The following VAMP7 variants were observed in gnomAD, a reference collection of about 807,000 sequenced individuals.
VAMP7 encodes vesicle associated membrane protein 7, also known as vesicle-associated membrane protein 7.
Under a neutral mutation model 29.6 loss-of-function variants are expected in VAMP7, and 14 were observed. The observed-to-expected ratio is 0.47, with a 90% CI of 0.31 to 0.74. The LOEUF (loss-of-function observed/expected upper bound fraction) is 0.74, where lower values mean the gene tolerates loss of function less well. Among genes scored for constraint, VAMP7 ranks in the 30% least tolerant of loss-of-function variants. The probability of loss-of-function intolerance (pLI) is 0.05; values close to 1 mark genes in which losing one functional copy is unlikely to be tolerated. For synonymous variants in VAMP7, 95 were observed against 88.1 expected (o/e 1.08, Z -0.44); for missense variants, 223 against 262.4 (o/e 0.85, Z 1.04).
intron 5 of VAMP7, among the ~76,000 whole-genome samples, chrX:155,908,729 T>G (rs2066189603): frequency 6.6e-6 from 1 of 152,192 alleles, no homozygotes; most frequent in Non-Finnish European, 1.5e-5. Context: ...TTGAAATGTT[T>G]GGTAGAATTC....
In VAMP7 at chrX:155,915,632, A is replaced by C. The variant is rs752102080; in HGVS notation, c.434-4181A>C. ...TAATTTTGTTATTTACCCAGTAGTC[A>C]TTCAGGAACAGGTTGTTCATTTTCC... On this transcript the variant is annotated intron_variant, in intron 5 of 7. Coordinates refer to ENST00000286448, the MANE Select transcript of VAMP7 (RefSeq NM_005638.6). Among the ~76,000 whole-genome samples, 11 of 152,282 alleles carry C rather than the reference A, an allele frequency of 7.2e-5. No homozygotes were observed. In the South Asian group the frequency reaches 2.1e-3, roughly 29 times the overall value.
intron 5 of VAMP7, among the ~76,000 whole-genome samples, chrX:155,911,673 G>A (rs1013237926): frequency 2.0e-5 from 3 of 151,770 alleles, no homozygotes; most frequent in Non-Finnish European, 2.9e-5. Flanking sequence ...TCACCTACTC[G>A]TTAAATTTAT....
chrX:155,891,726 G>A lies in VAMP7; in HGVS notation c.146+2114G>A, dbSNP rs5940622. On this transcript the variant is annotated intron_variant, in intron 2 of 7. Coordinates refer to ENST00000286448, the MANE Select transcript of VAMP7 (RefSeq NM_005638.6). ...AGGAACTCCCTCACCCTTTTTCCCT[G>A]ACTCCTGGCTTTGTTCTCCAGGAAG... Among the ~76,000 whole-genome samples the A allele has an allele frequency of 2.0e-3, 298 of 152,256 alleles. 2 individuals carry two copies. The highest frequency in any genetic ancestry group is 0.013 in the South Asian group (64 of 4,818).
At chrX:155,884,242 C>T (rs1602893424) in intron 1 of VAMP7, among the ~76,000 whole-genome samples, 1 of 152,234 alleles carries the variant, frequency 6.6e-6, no homozygotes, top group Non-Finnish European at 1.5e-5. Context: ...ATTCTCCTGC[C>T]TCAGCCTCCC....
chrX:155,939,668 C>T (rs747412039), intron 6 of VAMP7, 33 bp from the exon 7 acceptor site: 4 of 1,491,364 alleles, frequency 2.7e-6, no homozygotes, highest in African/African-American at 1.4e-5. Context: ...GTAGTCAGTG[C>T]CAGGGGTTAA....
At chrX:155,894,126 G>T (rs997765466) in intron 2 of VAMP7, among the ~76,000 whole-genome samples, 1 of 151,996 alleles carries the variant, frequency 6.6e-6, no homozygotes, top group Non-Finnish European at 1.5e-5. Context: ...CCTGTCTCAC[G>T]CCAGTCACCA....
intron 5 of VAMP7, among the ~76,000 whole-genome samples, chrX:155,913,821 TG>T (rs1886151653): frequency 6.6e-6 from 1 of 152,194 alleles, no homozygotes; most frequent in Admixed American, 6.5e-5. Flanking sequence ...TCTCCAGCTT[TG>T]TTCTTCTTGC....
chrX:155,941,500 C>T (rs930657572), intron 7 of VAMP7, among the ~76,000 whole-genome samples: 2 of 151,882 alleles, frequency 1.3e-5, no homozygotes, highest in Non-Finnish European at 2.9e-5. Context: ...TGTGCAAAAC[C>T]TAAAAATATA....
At chrX:155,889,775 T>TA (rs1490572501) in intron 2 of VAMP7, 163 bp downstream of exon 2, 4 of 697,206 alleles carry the variant, frequency 5.7e-6, no homozygotes, top group Admixed American at 3.6e-5. Context: ...TTTTGTTACT[T>TA]ATAAATTTAA....
At position 155,923,906 on chromosome X, in the gene VAMP7, T is replaced by A. The variant is rs760416524; in HGVS notation, c.501+4026T>A. Among the ~76,000 whole-genome samples the A allele has an allele frequency of 2.1e-3, 317 of 152,288 alleles. 2 individuals carry two copies. The highest frequency in any genetic ancestry group is 7.0e-3 in the African/African-American group (292 of 41,582). On this transcript the variant is annotated intron_variant, in intron 6 of 7. Transcript: ENST00000286448. ...TGCAGTTCGCAATCTGCTGTTTCTG[T>A]CCTGTGTATGTTTCATCTTTACAGG...
intron 3 of VAMP7, among the ~76,000 whole-genome samples, chrX:155,897,674 A>G (rs1360012817): frequency 1.3e-5 from 2 of 152,148 alleles, no homozygotes; most frequent in African/African-American, 4.8e-5. Context: ...TACCACCACT[A>G]TTGAAAAAAT....
intron 2 of VAMP7, among the ~76,000 whole-genome samples, chrX:155,890,860 C>G (rs918027162): frequency 2.6e-5 from 4 of 152,112 alleles, no homozygotes; most frequent in Non-Finnish European, 4.4e-5. Context: ...TGGCTAACCC[C>G]TTATACAGTT....
At chrX:155,935,624 A>G (rs1323066504) in intron 6 of VAMP7, among the ~76,000 whole-genome samples, 1 of 151,924 alleles carries the variant, frequency 6.6e-6, no homozygotes. Flanking sequence ...CAAGGTTTTT[A>G]GCTTCTTTGT....
chrX:155,886,827 A>G (rs1370247090), intron 1 of VAMP7, among the ~76,000 whole-genome samples: 2 of 152,218 alleles, frequency 1.3e-5, no homozygotes, highest in Non-Finnish European at 2.9e-5. Flanking sequence ...TTTAAGCAAT[A>G]TCGCATACCG....
At chrX:155,892,709 T>C (rs1326256580) in intron 2 of VAMP7, among the ~76,000 whole-genome samples, 1 of 151,706 alleles carries the variant, frequency 6.6e-6, no homozygotes, top group Non-Finnish European at 1.5e-5. Context: ...ACATAGCATC[T>C]AGTTTGTTCA....
chrX:155,917,974 G>A (rs2066336959), intron 5 of VAMP7, among the ~76,000 whole-genome samples: 1 of 152,130 alleles, frequency 6.6e-6, no homozygotes, highest in Admixed American at 6.5e-5. Context: ...CTCTGGCTGG[G>A]GCTGCTGCCT....
chrX:155,881,940 A>G (rs2065807568), intron 1 of VAMP7, among the ~76,000 whole-genome samples: 1 of 152,138 alleles, frequency 6.6e-6, no homozygotes, highest in Non-Finnish European at 1.5e-5. Flanking sequence ...ATTTCTGCCT[A>G]GACCCGTTTC....
At position 155,942,183 on chromosome X, in the gene VAMP7, C is replaced by T. The variant is rs200474856; in HGVS notation, c.*232C>T. ...CATTGCAGCAGTAGCCTTAAAAAGGCTTTTGTTTATTTCTTTGGTTTGTTA... is the reference window on the plus strand; with the variant it reads ...CATTGCAGCAGTAGCCTTAAAAAGGTTTTTGTTTATTTCTTTGGTTTGTTA... On this transcript the variant is annotated 3_prime_UTR_variant, in exon 8 of 8. Transcript: ENST00000286448. The T allele has an allele frequency of 2.6e-4, 397 of 1,534,892 alleles. 2 individuals carry two copies. Among genetic ancestry groups the T allele is most frequent in the Admixed American group, 4.4e-4 (21 of 48,034 alleles).
chrX:155,907,530 C>T (rs1452811692), intron 5 of VAMP7, among the ~76,000 whole-genome samples: 9 of 148,092 alleles, frequency 6.1e-5, no homozygotes, highest in South Asian at 2.2e-4. Context: ...CTTGCACCGC[C>T]CTTAATCCAT....
Sources: gnomAD v4.1 joint callset for allele counts (sites outside exome capture counted in the v4.1 genomes callset) on GRCh38, gnomAD v4.1.1 for gene constraint, MANE v1.5 for transcripts, NCBI Gene and HGNC (gene_info 2026-07-23, HGNC 2026-07-21) for gene names.